The following COL6A3 variants were observed in gnomAD, a reference collection of about 807,000 sequenced individuals.
COL6A3 encodes collagen type VI alpha 3 chain.
A neutral mutation model predicts 274.1 loss-of-function variants in COL6A3; 137 were observed. The ratio of observed to expected loss-of-function variants is 0.50; its 90% confidence interval spans 0.44 to 0.58. The LOEUF is 0.58. Among genes scored for constraint, COL6A3 ranks in the 20% least tolerant of loss-of-function variants. The probability of loss-of-function intolerance (pLI) is 0.00; values close to 1 mark genes in which losing one functional copy is unlikely to be tolerated. For missense variants in COL6A3, 3,950 were observed against 4,124.9 expected (o/e 0.96, Z 1.16); for synonymous variants, 1,650 against 1,650.6 (o/e 1.00, Z 0.01).
intron 1 of COL6A3, among the ~76,000 whole-genome samples, chr2:237,409,057 T>A (rs2078789832): frequency 2.0e-5 from 3 of 152,204 alleles, no homozygotes. Context: ...GATGTCTGCA[T>A]ATTGGAAACA....
At chr2:237,328,649 T>C (rs1023418121) in intron 42 of COL6A3, 1 of 152,248 alleles carries the variant, frequency 6.6e-6, no homozygotes, top group South Asian at 2.1e-4. Context: ...AAAAAATATA[T>C]GTATTCTTCA....
chr2:237,411,305 T>G (rs1199017787), intron 1 of COL6A3, among the ~76,000 whole-genome samples: 1 of 152,200 alleles, frequency 6.6e-6, no homozygotes, highest in Non-Finnish European at 1.5e-5. Flanking sequence ...TGTCACGCAA[T>G]AGTATTCACG....
In COL6A3 at chr2:237,371,997, C is replaced by A; in HGVS notation, c.4020G>T (p.Leu1340=). Residue 1340 remains leucine, a synonymous_variant, in exon 9 of 44, where the codon CTG becomes CTT. Transcript: ENST00000295550. This position sits in a 1 kb window ranked among gnomAD's most constrained non-coding sequence, Gnocchi z 4.3. ...CAGACTTTCCAGACGAGATGAGGAC[C>A]AGGAACTGCGGGACGCCCTCTTCAA... ...SRIEEGVPQF[L]VLISSGKSDD... 1 of 1,614,150 alleles carries A rather than the reference C, an allele frequency of 6.2e-7. No individual in the cohort carries two copies. Among genetic ancestry groups the A allele is most frequent in the Non-Finnish European group, 8.5e-7 (1 of 1,180,020 alleles).
At position 237,359,334 on chromosome 2, in the gene COL6A3, T is replaced by A. The variant is rs370520034; in HGVS notation, c.6309+28A>T. The stretch of plus-strand genomic sequence containing the variant: ...TGAGAAATACTGGGAGAGTTTTCCA[T>A]TTGTAAAACAAAACCAAGCTTGCAT... On this transcript the variant is annotated intron_variant, in intron 18 of 43. Transcript: ENST00000295550. 7 of 1,614,132 alleles carry A rather than the reference T, an allele frequency of 4.3e-6. No homozygotes were observed. The East Asian group carries it at 1.3e-4, about 31-fold the overall frequency.
intron 42 of COL6A3, among the ~76,000 whole-genome samples, chr2:237,332,511 G>A (rs1240202734): frequency 1.3e-5 from 2 of 152,170 alleles, no homozygotes; most frequent in Middle Eastern, 3.4e-3. Flanking sequence ...TGGTGGGGTC[G>A]CCTAACAGGC....
rs1335664006 is a variant in COL6A3 at position 237,369,145 on chromosome 2, G to C, written c.4318C>G (p.Leu1440Val). 14 of 1,613,356 alleles carry C rather than the reference G, an allele frequency of 8.7e-6. No homozygotes were observed. The East Asian group carries it at 2.5e-4, about 28-fold the overall frequency. Residue 1440 changes from leucine (L) to valine (V), a missense_variant, in exon 10 of 44, where the codon CTG becomes GTG. Transcript: ENST00000295550. The stretch of plus-strand genomic sequence containing the variant: ...CTAACTCCCTCAGAGCTGTCGATCA[G>C]AAAGACAATGTCTGCAGCATCACTC... ...VESDAADIVF[L>V]IDSSEGVRPD...
At chr2:237,373,827 G>T (rs950369021) in intron 8 of COL6A3, among the ~76,000 whole-genome samples, 2 of 152,126 alleles carry the variant, frequency 1.3e-5, no homozygotes, top group African/African-American at 4.8e-5. Flanking sequence ...ATTGTACCAG[G>T]CCTAGAAAGA....
At chr2:237,409,376 A>AT (rs1384059970) in intron 1 of COL6A3, among the ~76,000 whole-genome samples, 3 of 152,126 alleles carry the variant, frequency 2.0e-5, no homozygotes, top group Admixed American at 1.3e-4. Context: ...TACATGTGCC[A>AT]TGTTGGTGTG....
rs539742606 is a variant in COL6A3, at chr2:237,350,149, T to C, written c.6877A>G (p.Thr2293Ala). The change falls in exon 28 of 44, where the codon ACG (threonine) becomes GCG (alanine). Residue 2293 changes from threonine (T) to alanine (A), a missense_variant and splice_region_variant. Coordinates refer to ENST00000295550, the MANE Select transcript of COL6A3 (RefSeq NM_004369.4). ...GIGNRGPRGETGDDGRDGVGS... is the reference protein window; with the variant it reads ...GIGNRGPRGEAGDDGRDGVGS... ...CCCCAAGCGCGCTGTGACCTTACCG[T>C]CTCCCCACGAGGGCCCCGGTTCCCG... 1.2e-6 allele frequency: 2 copies of C among 1,613,922 alleles called. No homozygotes were observed. The highest frequency in any genetic ancestry group is 2.2e-5 in the South Asian group (2 of 91,060).
intron 1 of COL6A3, among the ~76,000 whole-genome samples, chr2:237,398,385 G>T (rs2078506173): frequency 6.6e-6 from 1 of 152,114 alleles, no homozygotes; most frequent in Admixed American, 6.5e-5. Flanking sequence ...CCTTTCCCCT[G>T]CCAACACCTT....
At chr2:237,370,359 C>T (rs936875300) in intron 9 of COL6A3, among the ~76,000 whole-genome samples, 4 of 152,050 alleles carry the variant, frequency 2.6e-5, no homozygotes, top group African/African-American at 9.6e-5. Flanking sequence ...CTGCCTCAGC[C>T]TCCCGAGTAG....
At chr2:237,388,918 G>A (rs2078220815) in intron 3 of COL6A3, among the ~76,000 whole-genome samples, 1 of 152,162 alleles carries the variant, frequency 6.6e-6, no homozygotes, top group South Asian at 2.1e-4. Context: ...TGGGCAGGAT[G>A]TTTTGTTCAT....
intron 9 of COL6A3, among the ~76,000 whole-genome samples, chr2:237,370,850 AC>A (rs958509643): frequency 2.6e-5 from 4 of 152,198 alleles, no homozygotes; most frequent in African/African-American, 7.2e-5. Context: ...ATCTCACAGG[AC>A]CCCCACAACA....
chr2:237,362,937 G>A (rs1021586948), intron 14 of COL6A3, among the ~76,000 whole-genome samples: 5 of 152,172 alleles, frequency 3.3e-5, no homozygotes, highest in African/African-American at 7.2e-5. Context: ...GGACAATCTC[G>A]ATGGTTTGCA....
chr2:237,386,284 G>A (rs903144474), intron 4 of COL6A3, among the ~76,000 whole-genome samples: 2 of 152,166 alleles, frequency 1.3e-5, no homozygotes, highest in African/African-American at 4.8e-5. Context: ...TAAATAGATA[G>A]TGATGTTTTT....
intron 1 of COL6A3, among the ~76,000 whole-genome samples, chr2:237,412,339 G>T (rs2078878034): frequency 6.6e-6 from 1 of 152,220 alleles, no homozygotes; most frequent in South Asian, 2.1e-4. Context: ...TTCTTTCTCG[G>T]TTCATTGGTA....
chr2:237,338,286 C>T (rs1700652779), intron 39 of COL6A3, among the ~76,000 whole-genome samples: 1 of 152,150 alleles, frequency 6.6e-6, no homozygotes, highest in African/African-American at 2.4e-5. Flanking sequence ...CCCAAGCTAG[C>T]CTGCTGAGAA....
intron 42 of COL6A3, among the ~76,000 whole-genome samples, chr2:237,330,557 T>A (rs1700176347): frequency 6.6e-6 from 1 of 152,188 alleles, no homozygotes; most frequent in South Asian, 2.1e-4. Flanking sequence ...AAAGCTGGAA[T>A]CCTGAGTGGT....
Position 237,361,835 on chromosome 2 carries a change from C to A in COL6A3, c.6064-4G>T. 1 of 1,613,772 alleles carries A rather than the reference C, an allele frequency of 6.2e-7. No individual in the cohort carries two copies. The highest frequency in any genetic ancestry group is 8.5e-7 in the Non-Finnish European group (1 of 1,179,694). ...AAGCTTTCTCGGCAATGTTGTCCTA[C>A]CGAAAGGAAGAGAAACCAAATGTTC... On this transcript the variant is annotated splice_polypyrimidine_tract_variant and splice_region_variant and intron_variant, in intron 14 of 43. Coordinates refer to ENST00000295550, the MANE Select transcript of COL6A3 (RefSeq NM_004369.4). This position sits in a 1 kb window ranked among gnomAD's most constrained non-coding sequence, Gnocchi z 5.1.
Sources: gnomAD v4.1 joint callset for allele counts (sites outside exome capture counted in the v4.1 genomes callset) on GRCh38, gnomAD v4.1.1 for gene constraint, Gnocchi (gnomAD v3.1) non-coding constraint, MANE v1.5 for transcripts, NCBI Gene and HGNC (gene_info 2026-07-23, HGNC 2026-07-21) for gene names.